The following PPM1H variants were observed in gnomAD, a reference collection of about 807,000 sequenced individuals.
PPM1H encodes the protein protein phosphatase, Mg2+/Mn2+ dependent 1H, also known as protein phosphatase 1H.
In PPM1H, 27 loss-of-function variants were observed where a neutral mutation model predicts 54.9. The observed-to-expected ratio is 0.49, with a 90% CI of 0.36 to 0.68. The LOEUF (loss-of-function observed/expected upper bound fraction) is 0.68, where lower values mean the gene tolerates loss of function less well. Among genes scored for constraint, PPM1H ranks in the 30% least tolerant of loss-of-function variants. The pLI is 0.00. For missense variants in PPM1H, 596 were observed against 667.8 expected (o/e 0.89, Z 1.19); for synonymous variants, 305 against 270.8 (o/e 1.13, Z -1.24).
intron 8 of PPM1H, among the ~76,000 whole-genome samples, chr12:62,669,928 C>A (rs961955584): frequency 7.0e-6 from 1 of 143,440 alleles, no homozygotes; most frequent in Non-Finnish European, 1.5e-5. Flanking sequence ...GACAGTGAGA[C>A]CCAGTCTTTA....
chr12:62,767,708 A>T (rs926157024), intron 4 of PPM1H, among the ~76,000 whole-genome samples: 2 of 152,180 alleles, frequency 1.3e-5, no homozygotes, highest in African/African-American at 4.8e-5. Flanking sequence ...AACACAATAG[A>T]AAATGACTTC....
intron 2 of PPM1H, among the ~76,000 whole-genome samples, chr12:62,807,417 T>C (rs1449663703): frequency 6.6e-6 from 1 of 151,946 alleles, no homozygotes; most frequent in Non-Finnish European, 1.5e-5. Flanking sequence ...ATTTAAACAA[T>C]GAAAAGTGTC....
chr12:62,808,955 T>C (rs1231582807), intron 2 of PPM1H, among the ~76,000 whole-genome samples: 1 of 152,186 alleles, frequency 6.6e-6, no homozygotes, highest in African/African-American at 2.4e-5. Context: ...CAAAGAACTA[T>C]ATGAGGCCAG....
Position 62,737,497 on chromosome 12 carries a change from C to G in PPM1H, c.954+5G>C. Reference sequence around the variant, plus strand: ...TGCCCTCTGCCAAGCCTAGATGACTCTTACCAGGTACTGAAGTCGCTGGCG... The same window carrying G: ...TGCCCTCTGCCAAGCCTAGATGACTGTTACCAGGTACTGAAGTCGCTGGCG... On this transcript the variant is annotated splice_donor_5th_base_variant and intron_variant, in intron 5 of 9. Coordinates refer to ENST00000228705, the MANE Select transcript of PPM1H (RefSeq NM_020700.2). The G allele has an allele frequency of 6.4e-7, 1 of 1,551,528 alleles. No homozygotes were observed. Among genetic ancestry groups the G allele is most frequent in the Non-Finnish European group, 8.8e-7 (1 of 1,139,824 alleles).
At chr12:62,839,908 C>T (rs186228687) in intron 1 of PPM1H, among the ~76,000 whole-genome samples, 12 of 147,966 alleles carry the variant, frequency 8.1e-5, no homozygotes, top group African/African-American at 1.6e-4. Flanking sequence ...TGTGGTGGCA[C>T]GTGCCTATAG....
rs996678817 is a variant in PPM1H, at chr12:62,844,132, C to T, written c.246-11853G>A. ...TGATTAAGCATCGAGTTTATTCCAG[C>T]GCAGTGCAAAGCTTAAGAACAGCCA... On this transcript the variant is annotated intron_variant, in intron 1 of 9. Coordinates refer to ENST00000228705, the MANE Select transcript of PPM1H (RefSeq NM_020700.2). This position sits in a 1 kb window ranked among gnomAD's most constrained non-coding sequence, Gnocchi z 5.2. Among the ~76,000 whole-genome samples, 7 of 152,154 alleles carry T rather than the reference C, an allele frequency of 4.6e-5. No individual in the cohort carries two copies. Among genetic ancestry groups the T allele is most frequent in the South Asian group, 4.1e-4 (2 of 4,832 alleles).
Position 62,645,958 on chromosome 12 carries a change from T to TAA in PPM1H, c.*2529_*2530dup. 6.6e-6 allele frequency: 1 copy of TAA among 152,226 alleles called. No homozygotes were observed. Among genetic ancestry groups the TAA allele is most frequent in the East Asian group, 1.9e-4 (1 of 5,166 alleles). The allele number at this position is 152,226 out of a possible 1,614,324, so 9.4% of individuals were successfully genotyped here. A position where few individuals can be genotyped will look rare whatever the true frequency, so the allele number is the denominator to read the frequency against. On this transcript the variant is annotated 3_prime_UTR_variant, in exon 10 of 10. Coordinates refer to ENST00000228705, the MANE Select transcript of PPM1H (RefSeq NM_020700.2). ...AGGACTGGGTGACATGGGGCCTGGG[T>TAA]AAAAAAATAAGGCCAAAACTGAGTA...
intron 6 of PPM1H, among the ~76,000 whole-genome samples, chr12:62,718,057 ACTGT>A (rs2076245013): frequency 6.6e-6 from 1 of 152,196 alleles, no homozygotes; most frequent in African/African-American, 2.4e-5. Flanking sequence ...GTGCACATCA[ACTGT>A]CTGCAACATT....
At chr12:62,740,562 A>G (rs1247234319) in intron 4 of PPM1H, among the ~76,000 whole-genome samples, 1 of 152,186 alleles carries the variant, frequency 6.6e-6, no homozygotes, top group East Asian at 1.9e-4. Context: ...GTGTTCCCTT[A>G]GCCTGGTCCC....
At position 62,690,893 on chromosome 12, in the gene PPM1H, C is replaced by T. The variant is rs1390232205; in HGVS notation, c.1138-1087G>A. On this transcript the variant is annotated intron_variant, in intron 7 of 9. Coordinates refer to ENST00000228705, the MANE Select transcript of PPM1H (RefSeq NM_020700.2). ...GGCTGAGGCATGAGAATCACTTGAA[C>T]CTGGAAGGTGGAGGTTGCAGTGAAT... Among the ~76,000 whole-genome samples, 3 of 152,284 alleles carry T rather than the reference C, an allele frequency of 2.0e-5. No homozygotes were observed. The East Asian group carries it at 5.8e-4, about 29-fold the overall frequency.
At chr12:62,860,213 C>G (rs1346755745) in intron 1 of PPM1H, among the ~76,000 whole-genome samples, 1 of 152,058 alleles carries the variant, frequency 6.6e-6, no homozygotes, top group South Asian at 2.1e-4. Context: ...CTTATAAAAC[C>G]ATTACCATTA....
At chr12:62,668,210 A>G (rs944826477) in intron 8 of PPM1H, among the ~76,000 whole-genome samples, 8 of 152,126 alleles carry the variant, frequency 5.3e-5, no homozygotes, top group Admixed American at 3.3e-4. Context: ...TCCTACTTCA[A>G]TGTGGGAGGG....
intron 1 of PPM1H, among the ~76,000 whole-genome samples, chr12:62,912,352 T>G (rs699585): frequency 0.33 from 49,977 of 152,080 alleles, 9,822 homozygotes; most frequent in Non-Finnish European, 0.45. Flanking sequence ...CAGTAACAGA[T>G]GTTTATTTTT....
intron 4 of PPM1H, among the ~76,000 whole-genome samples, chr12:62,764,988 G>A (rs190457936): frequency 6.6e-6 from 1 of 152,346 alleles, no homozygotes; most frequent in African/African-American, 2.4e-5. Flanking sequence ...GGGATGGGCT[G>A]GGGCCAGTCA....
At position 62,645,971 on chromosome 12, in the gene PPM1H, C is replaced by T. The variant is rs184954358; in HGVS notation, c.*2518G>A. On this transcript the variant is annotated 3_prime_UTR_variant, in exon 10 of 10. Coordinates refer to ENST00000228705, the MANE Select transcript of PPM1H (RefSeq NM_020700.2). ...ATGGGGCCTGGGTAAAAAAATAAGG[C>T]CAAAACTGAGTAAGCTCAATTTATA... 3 of 152,288 alleles carry T rather than the reference C, an allele frequency of 2.0e-5. No homozygotes were observed. Among genetic ancestry groups the T allele is most frequent in the African/African-American group, 7.2e-5 (3 of 41,556 alleles). The allele number at this position is 152,288 out of a possible 1,614,324, so 9.4% of individuals were successfully genotyped here.
chr12:62,678,238 T>C (rs974320766), intron 8 of PPM1H, among the ~76,000 whole-genome samples: 1 of 152,266 alleles, frequency 6.6e-6, no homozygotes, highest in Non-Finnish European at 1.5e-5. Flanking sequence ...TGAGTCACCA[T>C]GCCCAGGATT....
intron 6 of PPM1H, among the ~76,000 whole-genome samples, chr12:62,702,544 C>CAGAGAGAGAGAGAGAGAGAGAGAGAGAG (rs66497730): frequency 2.1e-5 from 3 of 140,736 alleles, no homozygotes; most frequent in Non-Finnish European, 4.5e-5. Flanking sequence ...CCTTGAGCTA[C>CAGAGAGAGAGAGAGAGAGAGAGAGAGAG]AGAGAGAGAG....
chr12:62,778,185 G>A (rs1202079642), intron 4 of PPM1H, among the ~76,000 whole-genome samples: 1 of 152,158 alleles, frequency 6.6e-6, no homozygotes, highest in African/African-American at 2.4e-5. Flanking sequence ...CAGAACAAAA[G>A]GGAAAATGTA....
rs181221745 is a variant in PPM1H at position 62,928,189 on chromosome 12, A to G, written c.245+6303T>C. Among the ~76,000 whole-genome samples, 37 of 152,368 alleles carry G rather than the reference A, an allele frequency of 2.4e-4. 2 individuals are homozygous for G. Among genetic ancestry groups the G allele is most frequent in the East Asian group, 1.9e-4 (1 of 5,194 alleles). On this transcript the variant is annotated intron_variant, in intron 1 of 9. Transcript: ENST00000228705. ...TTAATGCCTCTAATAAAGTATAAAT[A>G]GGGATAATCCTATCACTATATGGTA...
Sources: gnomAD v4.1 joint callset for allele counts (sites outside exome capture counted in the v4.1 genomes callset) on GRCh38, gnomAD v4.1.1 for gene constraint, Gnocchi (gnomAD v3.1) non-coding constraint, MANE v1.5 for transcripts, NCBI Gene and HGNC (gene_info 2026-07-23, HGNC 2026-07-21) for gene names.